DLX3: variants seen among roughly 807,000 people sequenced by gnomAD.
DLX3 encodes homeobox protein DLX-3.
A neutral mutation model predicts 28.0 loss-of-function variants in DLX3; 9 were observed. The observed-to-expected ratio is 0.32, with a 90% CI of 0.19 to 0.56. The LOEUF (loss-of-function observed/expected upper bound fraction) is 0.56. DLX3 is among the 20% of genes least tolerant of loss of function. DLX3 has a pLI of 0.91. For missense variants in DLX3, 313 were observed against 378.2 expected (o/e 0.83, Z 1.43); for synonymous variants, 154 against 167.9 (o/e 0.92, Z 0.64).
chr17:49,994,627 G>A (rs763635142), intron 1 of DLX3, 47 bp downstream of exon 1: 1 of 1,606,102 alleles, frequency 6.2e-7, no homozygotes. Flanking sequence ...CCTCCCTCGG[G>A]AACCTTCCAG....
chr17:49,990,881 A>G lies in DLX3; in HGVS notation c.*636T>C, dbSNP rs1046311078. On this transcript the variant is annotated 3_prime_UTR_variant, in exon 3 of 3. Coordinates refer to ENST00000434704, the MANE Select transcript of DLX3 (RefSeq NM_005220.3). Reference sequence around the variant, plus strand: ...ATGGCTCCTTTAGTTCTTTCCTCTAAAGCCACAAATATTAAAAGATTCCCT... The same window carrying G: ...ATGGCTCCTTTAGTTCTTTCCTCTAGAGCCACAAATATTAAAAGATTCCCT... 1 of 152,696 alleles carries G rather than the reference A, an allele frequency of 6.5e-6. No homozygotes were observed. Among genetic ancestry groups the G allele is most frequent in the African/African-American group, 2.4e-5 (1 of 41,418 alleles). The allele number at this position is 152,696 out of a possible 1,614,324, so 9.5% of individuals were successfully genotyped here. A position where few individuals can be genotyped will look rare whatever the true frequency, so the allele number is the denominator to read the frequency against.
Position 49,991,308 on chromosome 17 carries a change from G to A in DLX3, c.*209C>T. On this transcript the variant is annotated 3_prime_UTR_variant, in exon 3 of 3. Coordinates refer to ENST00000434704, the MANE Select transcript of DLX3 (RefSeq NM_005220.3). Reference sequence around the variant, plus strand: ...CCCACATCTGGAGGGGTACCCCAGTGTCTAGGCAGAGGGAGGGAGGTTCAG... The same window carrying A: ...CCCACATCTGGAGGGGTACCCCAGTATCTAGGCAGAGGGAGGGAGGTTCAG... 1 of 575,124 alleles carries A rather than the reference G, an allele frequency of 1.7e-6. No homozygotes were observed. Among genetic ancestry groups the A allele is most frequent in the Non-Finnish European group, 3.1e-6 (1 of 327,608 alleles). 35.6% of individuals were successfully genotyped at this position (575,124 alleles called of 1,614,324 possible). A position where few individuals can be genotyped will look rare whatever the true frequency, so the allele number is the denominator to read the frequency against.
At position 49,995,009 on chromosome 17, in the gene DLX3, G is replaced by A. The variant is rs112507296; in HGVS notation, c.-11C>T. Reference sequence around the variant, plus strand: ...GAAGGAGCCACTCATCCTGGCGGGCGCTGCACCTCCCCAGGGCTGGCCTCC... The same window carrying A: ...GAAGGAGCCACTCATCCTGGCGGGCACTGCACCTCCCCAGGGCTGGCCTCC... On this transcript the variant is annotated 5_prime_UTR_variant, in exon 1 of 3. Coordinates refer to ENST00000434704, the MANE Select transcript of DLX3 (RefSeq NM_005220.3). The A allele has an allele frequency of 4.4e-5, 71 of 1,609,480 alleles. 1 individual carries two copies. In the African/African-American group the frequency reaches 6.1e-4, roughly 14 times the overall value.
chr17:49,993,656 C>T, intron 1 of DLX3, 66 bp from the exon 2 acceptor site: 1 of 1,555,314 alleles, frequency 6.4e-7, no homozygotes, highest in Non-Finnish European at 8.7e-7. Context: ...CTGCGACCCT[C>T]CAGGGCCCCG....
At position 49,993,729 on chromosome 17, in the gene DLX3, CCCGCGGCCCAGGGGGGAG is replaced by C. The variant is rs1906183053; in HGVS notation, c.326-157_326-140del. On this transcript the variant is annotated intron_variant, in intron 1 of 2. Transcript: ENST00000434704. ...GGATTCCCGGCCGCGCGCTCCGCTG[CCCGCGGCCCAGGGGGGAG>C]CCGCGGCCCCAGAGCCAGAACTGGC... 4.9e-6 allele frequency: 5 copies of C among 1,012,420 alleles called. No homozygotes were observed. In the East Asian group the frequency reaches 1.2e-4, roughly 24 times the overall value. The allele number at this position is 1,012,420 out of a possible 1,614,324, so 62.7% of individuals were successfully genotyped here.
intron 1 of DLX3, among the ~76,000 whole-genome samples, chr17:49,994,055 T>C (rs1906195475): frequency 1.3e-5 from 2 of 152,162 alleles, no homozygotes; most frequent in Non-Finnish European, 2.9e-5. Context: ...GCAAGGATAG[T>C]GCAGACTTTC....
chr17:49,993,700 C>T (rs1351693324), intron 1 of DLX3, 110 bp from the exon 2 acceptor site: 2 of 1,297,846 alleles, frequency 1.5e-6, no homozygotes, highest in African/African-American at 3.1e-5. Flanking sequence ...ACCGACTCGC[C>T]GCGGGATTCC....
intron 1 of DLX3, 41 bp downstream of exon 1, chr17:49,994,633 T>A: frequency 6.2e-7 from 1 of 1,610,100 alleles, no homozygotes; most frequent in South Asian, 1.1e-5. Context: ...TCGGGAACCT[T>A]CCAGTGTCTC....
chr17:49,994,931 T>C lies in DLX3; in HGVS notation c.68A>G (p.His23Arg), dbSNP rs1021348057. ...LTDISSSLSC[H>R]AGSKDSPTLP... ...GGTAGGCGAGTCCTTGGAGCCCGCA[T>C]GGCAGCTAAGGGAGCTGGAGATGTC... is the stretch of plus-strand genomic sequence containing the variant. Residue 23 changes from histidine to arginine, a missense_variant, in exon 1 of 3, where the codon CAT (histidine) becomes CGT (arginine). Around this residue, in one of 3 missense-constraint regions of DLX3, gnomAD observed 183 missense variants for 197.7 expected, o/e 0.93. Coordinates refer to ENST00000434704, the MANE Select transcript of DLX3 (RefSeq NM_005220.3). 7 of 1,614,002 alleles carry C rather than the reference T, an allele frequency of 4.3e-6. No homozygotes were observed. The East Asian group carries it at 8.9e-5, about 21-fold the overall frequency.
At chr17:49,993,156 G>C (rs977242076) in intron 2 of DLX3, among the ~76,000 whole-genome samples, 1 of 152,208 alleles carries the variant, frequency 6.6e-6, no homozygotes, top group Admixed American at 6.5e-5. Context: ...ACTGCTGGGG[G>C]ACTTGGGAGC....
intron 1 of DLX3, among the ~76,000 whole-genome samples, chr17:49,994,013 T>C (rs1004641151): frequency 6.6e-6 from 1 of 151,868 alleles, no homozygotes; most frequent in Non-Finnish European, 1.5e-5. Context: ...AAAAGTTTCA[T>C]TTTAGAATCT....
chr17:49,993,309 A>AG, intron 2 of DLX3, 91 bp downstream of exon 2: 1 of 1,350,920 alleles, frequency 7.4e-7, no homozygotes. Flanking sequence ...AGGAGCCCGC[A>AG]GGGCCCTTCA....
intron 2 of DLX3, among the ~76,000 whole-genome samples, chr17:49,992,472 C>A (rs2033303226): frequency 1.3e-5 from 2 of 152,190 alleles, no homozygotes; most frequent in African/African-American, 4.8e-5. Flanking sequence ...TGAGCACCCA[C>A]ATTCACACAC....
rs367547505 is a variant in DLX3, at chr17:49,993,579, C to T, written c.337G>A (p.Glu113Lys). The change falls in exon 2 of 3, where the codon GAG (glutamate) becomes AAG (lysine). Residue 113 changes from glutamate (E) to lysine (K), a missense_variant. Glu to Lys is a moderately conservative substitution (Grantham distance 56). Coordinates refer to ENST00000434704, the MANE Select transcript of DLX3 (RefSeq NM_005220.3). ...LPAQDPVSVK[E>K]EPEAEVRMVN... ...ATGCGCACCTCTGCTTCCGGCTCCTCCTTCACCGACACTGCGGGGAACGCA... is the reference window on the plus strand; with the variant it reads ...ATGCGCACCTCTGCTTCCGGCTCCTTCTTCACCGACACTGCGGGGAACGCA... 2.5e-6 allele frequency: 4 copies of T among 1,613,530 alleles called. No homozygotes were observed. The highest frequency in any genetic ancestry group is 3.4e-6 in the Non-Finnish European group (4 of 1,179,674).
rs1442075657 is a variant in DLX3 at position 49,993,577 on chromosome 17, C to T, written c.339G>A (p.Glu113=). 3 of 1,613,422 alleles carry T rather than the reference C, an allele frequency of 1.9e-6. No individual in the cohort carries two copies. The highest frequency in any genetic ancestry group is 2.7e-5 in the African/African-American group (2 of 74,906). Reference sequence around the variant, plus strand: ...CCATGCGCACCTCTGCTTCCGGCTCCTCCTTCACCGACACTGCGGGGAACG... The same window carrying T: ...CCATGCGCACCTCTGCTTCCGGCTCTTCCTTCACCGACACTGCGGGGAACG... ...LPAQDPVSVK[E]EPEAEVRMVN... is the part of the protein sequence containing the mutation. The change falls in exon 2 of 3, where the codon GAG becomes GAA. Residue 113 remains glutamate, a synonymous_variant. Transcript: ENST00000434704.
chr17:49,991,883 G>T lies in DLX3; in HGVS notation c.517-19C>A, dbSNP rs374355448. ...TTTTCACCTGGGCCAGAGAAGAAAGGGGTAGCTAGTTAGCCTCTCAGAATG... is the reference window on the plus strand; with the variant it reads ...TTTTCACCTGGGCCAGAGAAGAAAGTGGTAGCTAGTTAGCCTCTCAGAATG... On this transcript the variant is annotated intron_variant, in intron 2 of 2. Coordinates refer to ENST00000434704, the MANE Select transcript of DLX3 (RefSeq NM_005220.3). 1.9e-6 allele frequency: 3 copies of T among 1,610,774 alleles called. No homozygotes were observed. The highest frequency in any genetic ancestry group is 3.3e-5 in the Admixed American group (2 of 60,012).
At chr17:49,993,261 T>G (rs1480825890) in intron 2 of DLX3, 139 bp downstream of exon 2, 4 of 860,764 alleles carry the variant, frequency 4.6e-6, no homozygotes, top group Non-Finnish European at 7.1e-6. Flanking sequence ...CCACCGAAGT[T>G]GAACCTCGCA....
At position 49,994,930 on chromosome 17, in the gene DLX3, A is replaced by G; in HGVS notation, c.69T>C (p.His23=). 2 of 1,614,020 alleles carry G rather than the reference A, an allele frequency of 1.2e-6. No individual in the cohort carries two copies. The highest frequency in any genetic ancestry group is 2.2e-5 in the East Asian group (1 of 44,880). The part of the protein sequence containing the change: ...LTDISSSLSC[H]AGSKDSPTLP... Reference sequence around the variant, plus strand: ...GGGTAGGCGAGTCCTTGGAGCCCGCATGGCAGCTAAGGGAGCTGGAGATGT... The same window carrying G: ...GGGTAGGCGAGTCCTTGGAGCCCGCGTGGCAGCTAAGGGAGCTGGAGATGT... The change falls in exon 1 of 3, where the codon CAT becomes CAC. Residue 23 remains histidine, a synonymous_variant. Transcript: ENST00000434704.
intron 2 of DLX3, 116 bp from the exon 3 acceptor site, chr17:49,991,980 C>CA (rs1018316112): frequency 1.3e-5 from 13 of 1,017,848 alleles, no homozygotes; most frequent in Admixed American, 2.2e-5. Flanking sequence ...AAGAATCAGG[C>CA]AAAAAACAGG....
Sources: gnomAD v4.1 joint callset for allele counts (sites outside exome capture counted in the v4.1 genomes callset) on GRCh38, gnomAD v4.1.1 for gene constraint, gnomAD v4.1.1 regional missense constraint, MANE v1.5 for transcripts, NCBI Gene and HGNC (gene_info 2026-07-23, HGNC 2026-07-21) for gene names.